Variants in GPC5 observed in about 807,000 individuals in gnomAD.
GPC5 encodes the protein glypican-5.
In GPC5, 47 loss-of-function variants were observed where a neutral mutation model predicts 53.9. The observed-to-expected ratio is 0.87, with a 90% CI of 0.69 to 1.11. The LOEUF (loss-of-function observed/expected upper bound fraction) is 1.11, where lower values mean the gene tolerates loss of function less well. Ranked by LOEUF, GPC5 falls within the 50% of genes most tolerant of loss-of-function variation. GPC5 has a pLI of 0.00. For missense variants in GPC5, 748 were observed against 713.1 expected, an observed-to-expected ratio of 1.05 and a Z score of -0.56; for synonymous variants, 286 against 263.3, an observed-to-expected ratio of 1.09 and a Z score of -0.84.
chr13:91,966,112 G>C (rs770803326), intron 6 of GPC5, among the ~76,000 whole-genome samples: 24 of 152,136 alleles, frequency 1.6e-4, no homozygotes, highest in Non-Finnish European at 3.4e-4. Context: ...ATACGGACAC[G>C]TGAAAGCCAG....
At chr13:92,644,727 T>A (rs572503227) in intron 7 of GPC5, among the ~76,000 whole-genome samples, 2 of 152,318 alleles carry the variant, frequency 1.3e-5, no homozygotes, top group Admixed American at 6.5e-5. Context: ...ACATGTACAC[T>A]ATAAAACAGA....
chr13:91,450,902 A>G (rs1881132509), intron 2 of GPC5, among the ~76,000 whole-genome samples: 1 of 152,188 alleles, frequency 6.6e-6, no homozygotes, highest in South Asian at 2.1e-4. Flanking sequence ...CACTTATAAG[A>G]ATACCCACTT....
intron 6 of GPC5, among the ~76,000 whole-genome samples, chr13:92,030,145 G>A (rs1259873238): frequency 6.6e-6 from 1 of 152,110 alleles, no homozygotes; most frequent in Non-Finnish European, 1.5e-5. Flanking sequence ...AAGAAAAGAA[G>A]GGTATTAATT....
intron 7 of GPC5, among the ~76,000 whole-genome samples, chr13:92,758,628 T>C (rs1279479356): frequency 6.6e-6 from 1 of 152,204 alleles, no homozygotes; most frequent in East Asian, 1.9e-4. Context: ...GAAGATGAGC[T>C]GACGTCACTT....
intron 7 of GPC5, among the ~76,000 whole-genome samples, chr13:92,354,822 A>C (rs527530270): frequency 6.6e-6 from 1 of 152,230 alleles, no homozygotes; most frequent in South Asian, 2.1e-4. Context: ...GCCTGAAAAT[A>C]GTCTTAGAGT....
chr13:92,707,724 C>A (rs1887998913), intron 7 of GPC5, among the ~76,000 whole-genome samples: 1 of 151,986 alleles, frequency 6.6e-6, no homozygotes, highest in African/African-American at 2.4e-5. Flanking sequence ...TCCTTCTCAG[C>A]TTAGGCTACA....
intron 7 of GPC5, chr13:92,180,966 T>A (rs573668709): frequency 6.5e-6 from 1 of 153,292 alleles, no homozygotes; most frequent in South Asian, 2.0e-4. Flanking sequence ...CACCTTCAGC[T>A]ACTAAAATTG....
chr13:91,596,283 GTCT>G (rs1328294013), intron 2 of GPC5, among the ~76,000 whole-genome samples: 1 of 152,062 alleles, frequency 6.6e-6, no homozygotes, highest in Non-Finnish European at 1.5e-5. Flanking sequence ...GTGTAATTGA[GTCT>G]TGTTTTTTAT....
At chr13:91,847,306 C>T (rs1345098555) in intron 5 of GPC5, among the ~76,000 whole-genome samples, 3 of 151,338 alleles carry the variant, frequency 2.0e-5, no homozygotes, top group African/African-American at 7.3e-5. Flanking sequence ...TTAAAAGACT[C>T]CTTTAAGGAT....
chr13:92,798,724 G>A (rs189115801), intron 7 of GPC5, among the ~76,000 whole-genome samples: 12 of 151,912 alleles, frequency 7.9e-5, no homozygotes, highest in Admixed American at 5.3e-4. Flanking sequence ...AAATCAGGCT[G>A]TTGCAATTTT....
intron 7 of GPC5, among the ~76,000 whole-genome samples, chr13:92,279,138 G>T (rs2042895950): frequency 6.6e-6 from 1 of 151,990 alleles, no homozygotes; most frequent in South Asian, 2.1e-4. Flanking sequence ...ACAATAATAA[G>T]TATTTTGATT....
chr13:92,835,845 T>A (rs1331709421), intron 7 of GPC5, among the ~76,000 whole-genome samples: 26 of 151,994 alleles, frequency 1.7e-4, no homozygotes, highest in Admixed American at 1.7e-3. Flanking sequence ...TGTATCCCCA[T>A]CAGCAATATG....
intron 6 of GPC5, among the ~76,000 whole-genome samples, chr13:91,945,107 T>TTGG (rs2039962604): frequency 6.6e-6 from 1 of 152,220 alleles, no homozygotes. Flanking sequence ...CTTATGATGA[T>TTGG]CTATCTTGGC....
intron 2 of GPC5, among the ~76,000 whole-genome samples, chr13:91,559,715 A>G (rs947152136): frequency 4.6e-5 from 7 of 151,980 alleles, no homozygotes; most frequent in African/African-American, 1.7e-4. Flanking sequence ...TGACTACCCC[A>G]TCTTTGCTTG....
intron 6 of GPC5, among the ~76,000 whole-genome samples, chr13:91,998,579 G>C (rs1281431562): frequency 4.6e-5 from 7 of 152,064 alleles, no homozygotes; most frequent in Admixed American, 4.6e-4. Flanking sequence ...AGAACCACCT[G>C]TTATTATAGA....
intron 2 of GPC5, among the ~76,000 whole-genome samples, chr13:91,558,494 G>C (rs1046685338): frequency 2.0e-5 from 3 of 152,076 alleles, no homozygotes; most frequent in Non-Finnish European, 4.4e-5. Context: ...GCTAAGCACT[G>C]TTAGTATAAG....
At chr13:91,440,746 T>C (rs1399777420) in intron 1 of GPC5, among the ~76,000 whole-genome samples, 1 of 152,166 alleles carries the variant, frequency 6.6e-6, no homozygotes, top group African/African-American at 2.4e-5. Context: ...GTCTTAGGAG[T>C]AATTTAACCG....
chr13:91,774,481 T>G (rs532916113), intron 5 of GPC5, among the ~76,000 whole-genome samples: 3 of 152,288 alleles, frequency 2.0e-5, no homozygotes, highest in Admixed American at 1.3e-4. Context: ...TGTGATAGCC[T>G]GTGAAGGATG....
chr13:91,886,819 A>T (rs2039327796), intron 5 of GPC5, among the ~76,000 whole-genome samples: 1 of 152,176 alleles, frequency 6.6e-6, no homozygotes, highest in Non-Finnish European at 1.5e-5. Context: ...AGCCTTGGTC[A>T]GCTCTCCCCC....
Sources: allele counts gnomAD v4.1 joint callset (sites outside exome capture counted in the v4.1 genomes callset), GRCh38; gene constraint gnomAD v4.1.1; transcripts MANE v1.5; gene names NCBI Gene and HGNC (gene_info 2026-07-23, HGNC 2026-07-21).